ZNF169: variants seen among roughly 807,000 people sequenced by gnomAD.
ZNF169 encodes zinc finger protein 169.
Under a neutral mutation model 12.0 loss-of-function variants are expected in ZNF169, and 11 were observed. The ratio of observed to expected loss-of-function variants is 0.92; its 90% CI spans 0.58 to 1.52. ZNF169 has a LOEUF of 1.52. Ranked by LOEUF, ZNF169 falls within the 40% of genes most tolerant of loss-of-function variation. The probability of loss-of-function intolerance (pLI) is 0.00; values close to 1 mark genes in which losing one functional copy is unlikely to be tolerated. For missense variants in ZNF169, 722 were observed against 744.0 expected (o/e 0.97, Z 0.34); for synonymous variants, 302 against 286.5 (o/e 1.05, Z -0.55).
chr9:94,281,425 G>A (rs1362705559), intron 2 of ZNF169, among the ~76,000 whole-genome samples: 1 of 152,178 alleles, frequency 6.6e-6, no homozygotes, highest in African/African-American at 2.4e-5. Context: ...CAATATGTTA[G>A]CTAATAAGAA....
intron 4 of ZNF169, among the ~76,000 whole-genome samples, chr9:94,296,184 A>G (rs1450411820): frequency 6.6e-6 from 1 of 152,224 alleles, no homozygotes; most frequent in Non-Finnish European, 1.5e-5. Context: ...TTAGTGAAGT[A>G]CGTTTTCACA....
intron 2 of ZNF169, chr9:94,288,129 G>A: frequency 1.2e-6 from 1 of 824,098 alleles, no homozygotes; most frequent in Admixed American, 1.7e-5. Context: ...CAGCACCAGA[G>A]CACCCTGGAA....
intron 1 of ZNF169, among the ~76,000 whole-genome samples, chr9:94,263,886 C>T (rs1021533003): frequency 6.0e-5 from 9 of 150,376 alleles, no homozygotes; most frequent in African/African-American, 2.0e-4. Context: ...AACTTAATTG[C>T]CACTTAGCTA....
chr9:94,295,300 C>A (rs1830928279), intron 4 of ZNF169: 2 of 152,072 alleles, frequency 1.3e-5, no homozygotes, highest in Admixed American at 6.6e-5. Flanking sequence ...TGTACTCCAG[C>A]CTGGGCTACA....
rs762398744 is a variant in ZNF169, at chr9:94,300,236, C to T, written c.678C>T (p.Ser226=). Residue 226 remains serine (S), a synonymous_variant, in exon 5 of 5, where the codon AGC becomes AGT. Transcript: ENST00000395395. ...GACTGGGACTTAGCAAAAAGTCAAG[C>T]CTGTTCAGCCACCAGAAGCATCATG... ...NYRLGLSKKS[S]LFSHQKHHVC... is the part of the protein sequence containing the mutation. 6.2e-7 allele frequency: 1 copy of T among 1,614,210 alleles called. No homozygotes were observed. Among genetic ancestry groups the T allele is most frequent in the South Asian group, 1.1e-5 (1 of 91,084 alleles).
chr9:94,269,380 C>T (rs534395774), intron 1 of ZNF169, among the ~76,000 whole-genome samples: 23 of 152,172 alleles, frequency 1.5e-4, no homozygotes, highest in Non-Finnish European at 3.1e-4. Flanking sequence ...GGGCAACTCA[C>T]CCTTGGAGCC....
intron 2 of ZNF169, among the ~76,000 whole-genome samples, chr9:94,291,047 C>CTTTTTT (rs59027045): frequency 1.9e-3 from 111 of 59,586 alleles, no homozygotes; most frequent in African/African-American, 4.1e-3. Context: ...GAACAGTATT[C>CTTTTTT]TTTTTTTTTT....
rs35889937 is a variant in ZNF169, at chr9:94,292,640, T to TGTGTGTGTGCGCGC, written c.160+174_160+175insTGTGTGTGCGCGCG. 4.0e-6 allele frequency: 3 copies of TGTGTGTGTGCGCGC among 741,334 alleles called. No individual in the cohort carries two copies. In the African/African-American group the frequency reaches 5.4e-5, roughly 13 times the overall value. The allele number at this position is 741,334 out of a possible 1,614,324, so 45.9% of individuals were successfully genotyped here. On this transcript the variant is annotated intron_variant, in intron 3 of 4. Transcript: ENST00000395395. Reference sequence around the variant, plus strand: ...GTGTGTGTGTGTGTGTGTGTGTGTGTGCGCGTGCACATGCTGTGAGCGTGT... The same window carrying TGTGTGTGTGCGCGC: ...GTGTGTGTGTGTGTGTGTGTGTGTGTGTGTGTGTGCGCGCGCGCGTGCACATGCTGTGAGCGTGT...
rs755822972 is a variant in ZNF169, at chr9:94,300,466, CCT to C, written c.914_915del (p.Leu305HisfsTer2). 1.2e-5 allele frequency: 20 copies of C among 1,614,114 alleles called. No individual in the cohort carries two copies. The South Asian group carries it at 1.3e-4, about 11-fold the overall frequency. On this transcript the variant is annotated frameshift_variant, in exon 5 of 5. Transcript: ENST00000395395. LOFTEE classifies it low-confidence loss of function (END_TRUNC). Reference sequence around the variant, plus strand: ...TGTGGGCGACACTTCAGGTATACATCCTCTCTCACTAATCACAAGAGGATTCA... The same window carrying C: ...TGTGGGCGACACTTCAGGTATACATCCTCTCACTAATCACAAGAGGATTCA...
chr9:94,283,103 T>C (rs1309759744), intron 2 of ZNF169, among the ~76,000 whole-genome samples: 2 of 152,136 alleles, frequency 1.3e-5, no homozygotes, highest in East Asian at 3.9e-4. Flanking sequence ...AAACGAAACA[T>C]GTATCAGAAA....
In ZNF169 at chr9:94,300,633, G is replaced by C; in HGVS notation, c.1075G>C (p.Ala359Pro). ...GTGTGGGAGAGGCTTTTGCCAGAAG[G>C]CATCACTCCTCCAGCACCAGAGCTC... is the stretch of plus-strand genomic sequence containing the variant. ...PECGRGFCQK[A>P]SLLQHQSSHT... The change falls in exon 5 of 5, where the codon GCA becomes CCA. Residue 359 changes from alanine to proline, a missense_variant. Ala to Pro is a conservative substitution (Grantham distance 27). Transcript: ENST00000395395. The C allele has an allele frequency of 6.2e-7, 1 of 1,613,930 alleles. No homozygotes were observed. Among genetic ancestry groups the C allele is most frequent in the Non-Finnish European group, 8.5e-7 (1 of 1,179,974 alleles).
At chr9:94,292,558 C>T (rs1418199100) in intron 3 of ZNF169, 91 bp downstream of exon 3, 6 of 1,528,528 alleles carry the variant, frequency 3.9e-6, no homozygotes, top group South Asian at 3.9e-5. Flanking sequence ...CTCAGAAAAA[C>T]AGTTTTTTCC....
intron 3 of ZNF169, chr9:94,292,720 C>A: frequency 1.6e-6 from 1 of 625,288 alleles, no homozygotes. Context: ...GGCTCCTCCT[C>A]TAAGGTTATC....
chr9:94,301,533 G>A lies in ZNF169; in HGVS notation c.*163G>A. 8 of 1,332,332 alleles carry A rather than the reference G, an allele frequency of 6.0e-6. No homozygotes were observed. Among genetic ancestry groups the A allele is most frequent in the South Asian group, 1.7e-5 (1 of 58,764 alleles). The allele number at this position is 1,332,332 out of a possible 1,614,324, so 82.5% of individuals were successfully genotyped here. A position where few individuals can be genotyped will look rare whatever the true frequency, so the allele number is the denominator to read the frequency against. On this transcript the variant is annotated 3_prime_UTR_variant, in exon 5 of 5. Coordinates refer to ENST00000395395, the MANE Select transcript of ZNF169 (RefSeq NM_194320.4). The stretch of plus-strand genomic sequence containing the variant: ...ATTCACAATTTGTCTTGGCTTGCTA[G>A]GGGTTCCATAACAAAGTACCCCAGG...
At chr9:94,285,696 C>A (rs948753868) in intron 2 of ZNF169, among the ~76,000 whole-genome samples, 5 of 152,018 alleles carry the variant, frequency 3.3e-5, no homozygotes, top group Admixed American at 1.3e-4. Flanking sequence ...AATTAGAATG[C>A]CAATGGATTT....
chr9:94,286,397 A>G (rs1189374506), intron 2 of ZNF169, among the ~76,000 whole-genome samples: 1 of 152,176 alleles, frequency 6.6e-6, no homozygotes, highest in Non-Finnish European at 1.5e-5. Flanking sequence ...CTAGTGAATC[A>G]TCATACTTGG....
At chr9:94,271,718 CA>C (rs58733917) in intron 1 of ZNF169, among the ~76,000 whole-genome samples, 211 of 64,810 alleles carry the variant, frequency 3.3e-3, no homozygotes, top group African/African-American at 5.8e-3. Flanking sequence ...GACTCTGTCT[CA>C]AAAAAAAAAA....
chr9:94,287,990 C>A, intron 2 of ZNF169: 1 of 800,474 alleles, frequency 1.2e-6, no homozygotes, highest in South Asian at 1.4e-5. Context: ...CAAACTCTGT[C>A]CCATCATTCA....
intron 2 of ZNF169, among the ~76,000 whole-genome samples, chr9:94,290,301 G>C (rs28406359): frequency 0.042 from 6,437 of 152,230 alleles, 454 homozygotes; most frequent in African/African-American, 0.15. Context: ...TTACAATTCA[G>C]TGGCATTAAG....
Sources: allele counts gnomAD v4.1 joint callset (sites outside exome capture counted in the v4.1 genomes callset), GRCh38; gene constraint gnomAD v4.1.1; transcripts MANE v1.5; gene names NCBI Gene and HGNC (gene_info 2026-07-23, HGNC 2026-07-21).